PDE12: variants seen among roughly 807,000 people sequenced by gnomAD.
The protein encoded by PDE12 is phosphodiesterase 12, also known as 2',5'-phosphodiesterase 12.
Under a neutral mutation model 45.4 loss-of-function variants are expected in PDE12, and 26 were observed. The observed-to-expected ratio is 0.57, with a 90% CI of 0.42 to 0.79. The LOEUF (loss-of-function observed/expected upper bound fraction) is 0.79. PDE12 is among the 30% of genes least tolerant of loss of function. PDE12 has a pLI of 0.00. For synonymous variants in PDE12, 283 were observed against 323.9 expected (o/e 0.87, Z 1.36); for missense variants, 668 against 790.0 (o/e 0.85, Z 1.85).
chr3:57,567,605 A>C (rs190040757), downstream of PDE12, among the ~76,000 whole-genome samples: 1 of 152,348 alleles, frequency 6.6e-6, no homozygotes, highest in East Asian at 1.9e-4. Flanking sequence ...CCATGAATGC[A>C]ATGTCACATG....
At chr3:57,591,478 T>G in the PDE12 span, among the ~76,000 whole-genome samples, 2 of 151,092 alleles carry the variant, frequency 1.3e-5, no homozygotes. Context: ...TTTCTTTTTT[T>G]TTTTTTGAGA....
the PDE12 span, among the ~76,000 whole-genome samples, chr3:57,643,267 T>G: frequency 3.0e-4 from 45 of 152,064 alleles, no homozygotes; most frequent in African/African-American, 1.0e-3. Context: ...AAGTGAAAAC[T>G]AATGCCATCC....
At chr3:57,577,340 T>C in the PDE12 span, 10 of 1,613,812 alleles carry the variant, frequency 6.2e-6, no homozygotes, top group Non-Finnish European at 7.6e-6. Context: ...CATCTGCTAC[T>C]TCCTGAATTC....
At chr3:57,633,224 C>T in the PDE12 span, 1 of 1,526,724 alleles carries the variant, frequency 6.5e-7, no homozygotes, top group Non-Finnish European at 9.1e-7. Context: ...ATACCCTTCA[C>T]CAAATCATTA....
the PDE12 span, among the ~76,000 whole-genome samples, chr3:57,614,790 C>A: frequency 2.0e-5 from 3 of 151,506 alleles, no homozygotes; most frequent in Non-Finnish European, 1.5e-5. Context: ...GTCAGGAGTT[C>A]AAGACCAGCC....
the PDE12 span, among the ~76,000 whole-genome samples, chr3:57,611,060 AG>A: frequency 6.6e-6 from 1 of 152,166 alleles, no homozygotes; most frequent in African/African-American, 2.4e-5. Context: ...GGAACAGAAC[AG>A]AGCCCTCAGA....
the PDE12 span, among the ~76,000 whole-genome samples, chr3:57,577,623 C>T: frequency 6.6e-6 from 1 of 152,182 alleles, no homozygotes. Flanking sequence ...TTACTTTTCT[C>T]AACTACCCTA....
chr3:57,618,627 T>TTTTTTTTG, the PDE12 span, among the ~76,000 whole-genome samples: 10 of 136,906 alleles, frequency 7.3e-5, no homozygotes, highest in Non-Finnish European at 1.1e-4. Context: ...TTTTTTTTTT[T>TTTTTTTTG]GAGATGGAGT....
At chr3:57,646,086 C>T in the PDE12 span, among the ~76,000 whole-genome samples, 1 of 152,182 alleles carries the variant, frequency 6.6e-6, no homozygotes, top group East Asian at 1.9e-4. Flanking sequence ...GTGCCTGCCA[C>T]TCAGAACAAC....
chr3:57,631,714 CTCTTT>C, the PDE12 span, among the ~76,000 whole-genome samples: 5 of 143,080 alleles, frequency 3.5e-5, no homozygotes, highest in Non-Finnish European at 6.1e-5. Context: ...GGTCTCTGCT[CTCTTT>C]TTTTTTTTTT....
chr3:57,654,494 CAG>C, the PDE12 span: 1 of 409,374 alleles, frequency 2.4e-6, no homozygotes, highest in Non-Finnish European at 3.3e-6. Flanking sequence ...CAATAGGGAA[CAG>C]GGGAGAGAAG....
chr3:57,560,955 T>C lies in PDE12; in HGVS notation c.*951T>C, dbSNP rs377626435. 2.7e-4 allele frequency: 260 copies of C among 979,790 alleles called. 1 individual carries two copies. The African/African-American group carries it at 4.0e-3, about 15-fold the overall frequency. 60.7% of individuals were successfully genotyped at this position (979,790 alleles called of 1,614,324 possible). A position where few individuals can be genotyped will look rare whatever the true frequency, so the allele number is the denominator to read the frequency against. On this transcript the variant is annotated 3_prime_UTR_variant, in exon 3 of 3. Coordinates refer to ENST00000311180, the MANE Select transcript of PDE12 (RefSeq NM_177966.7). Reference sequence around the variant, plus strand: ...AATTGTTATTGCTTCTCATCTTTCATTTTTCAATGAACAAGTAAGGTATTT... The same window carrying C: ...AATTGTTATTGCTTCTCATCTTTCACTTTTCAATGAACAAGTAAGGTATTT...
the PDE12 span, among the ~76,000 whole-genome samples, chr3:57,633,826 G>A: frequency 6.6e-6 from 1 of 152,032 alleles, no homozygotes; most frequent in Non-Finnish European, 1.5e-5. Context: ...GGGAGGTGGA[G>A]GCTGCAGTGA....
chr3:57,611,684 G>A, the PDE12 span, among the ~76,000 whole-genome samples: 1 of 152,124 alleles, frequency 6.6e-6, no homozygotes, highest in African/African-American at 2.4e-5. Context: ...ACCACAATGA[G>A]ATACCATCTC....
chr3:57,624,815 G>T, the PDE12 span, among the ~76,000 whole-genome samples: 2 of 152,002 alleles, frequency 1.3e-5, no homozygotes, highest in Non-Finnish European at 2.9e-5. Context: ...AAAAAGAAGA[G>T]GAAGAAGTAA....
chr3:57,650,224 C>G, the PDE12 span, among the ~76,000 whole-genome samples: 1 of 151,710 alleles, frequency 6.6e-6, no homozygotes, highest in East Asian at 1.9e-4. Flanking sequence ...ATCAAAATCT[C>G]AGAAATCATC....
chr3:57,582,595 T>C, the PDE12 span, among the ~76,000 whole-genome samples: 1 of 152,150 alleles, frequency 6.6e-6, no homozygotes, highest in African/African-American at 2.4e-5. Context: ...TATGACATAC[T>C]ATGTAAACCT....
At chr3:57,618,607 G>GTTTTTTTTTTTTTTTTTTT in the PDE12 span, among the ~76,000 whole-genome samples, 12 of 79,390 alleles carry the variant, frequency 1.5e-4, 2 homozygotes, top group Non-Finnish European at 2.1e-4. Flanking sequence ...TTGCTTTTGT[G>GTTTTTTTTTTTTTTTTTTT]TTTTTTTTTT....
chr3:57,560,047 T>C lies in PDE12; in HGVS notation c.*43T>C. 2 of 1,540,926 alleles carry C rather than the reference T, an allele frequency of 1.3e-6. No individual in the cohort carries two copies. Among genetic ancestry groups the C allele is most frequent in the Non-Finnish European group, 8.7e-7 (1 of 1,152,752 alleles). Reference sequence around the variant, plus strand: ...TTGAAGTCTGAAAAGGAAGTAGTTATTTTAGCAGAAAATTTAATATGAATC... The same window carrying C: ...TTGAAGTCTGAAAAGGAAGTAGTTACTTTAGCAGAAAATTTAATATGAATC... On this transcript the variant is annotated 3_prime_UTR_variant, in exon 3 of 3. Transcript: ENST00000311180.
Sources: gnomAD v4.1 joint callset for allele counts (sites outside exome capture counted in the v4.1 genomes callset) on GRCh38, gnomAD v4.1.1 for gene constraint, MANE v1.5 for transcripts, NCBI Gene and HGNC (gene_info 2026-07-23, HGNC 2026-07-21) for gene names.